The following MACO1 variants were observed in gnomAD, a reference collection of about 807,000 sequenced individuals.
The protein encoded by MACO1 is macoilin.
In MACO1, 14 loss-of-function variants were observed where a neutral mutation model predicts 78.7. That is an observed-to-expected ratio of 0.18 (90% CI 0.12 to 0.28). The LOEUF is 0.28. Among genes scored for constraint, MACO1 ranks in the 10% least tolerant of loss-of-function variants. MACO1 has a pLI of 1.00. For missense variants in MACO1, 501 were observed against 799.0 expected, an observed-to-expected ratio of 0.63 and a Z score of 4.50; for synonymous variants, 288 against 291.6, an observed-to-expected ratio of 0.99 and a Z score of 0.12.
rs2042855542 is a variant in MACO1 at position 25,430,913 on chromosome 1, C to G, written c.-186C>G. The G allele has an allele frequency of 3.9e-5, 18 of 467,064 alleles. No homozygotes were observed. In the South Asian group the frequency reaches 4.7e-4, roughly 12 times the overall value. The allele number at this position is 467,064 out of a possible 1,614,324, so 28.9% of individuals were successfully genotyped here. A position where few individuals can be genotyped will look rare whatever the true frequency, so the allele number is the denominator to read the frequency against. ...CCCGGAATTGTCATTTCTTTGTTTC[C>G]GAAGGCGGAGGAGGCTCCGAGCCCC... On this transcript the variant is annotated 5_prime_UTR_variant, in exon 1 of 11. Transcript: ENST00000374343.
At chr1:25,433,369 T>C (rs2042892159) in intron 1 of MACO1, among the ~76,000 whole-genome samples, 1 of 152,206 alleles carries the variant, frequency 6.6e-6, no homozygotes, top group Admixed American at 6.5e-5. Flanking sequence ...ACTAGAATGC[T>C]TGAGGATTCA....
At chr1:25,436,367 C>G (rs1299340254) in intron 1 of MACO1, among the ~76,000 whole-genome samples, 1 of 152,114 alleles carries the variant, frequency 6.6e-6, no homozygotes, top group Non-Finnish European at 1.5e-5. Context: ...GTTTGGAGGG[C>G]AAGTAGAAAT....
chr1:25,498,184 C>A, intron 10 of MACO1, 80 bp from the exon 11 acceptor site: 2 of 1,447,780 alleles, frequency 1.4e-6, no homozygotes, highest in Non-Finnish European at 1.9e-6. Flanking sequence ...TGAACCGAAT[C>A]TACTTAGGGA....
intron 6 of MACO1, among the ~76,000 whole-genome samples, chr1:25,468,587 T>C (rs973095106): frequency 1.3e-5 from 2 of 152,226 alleles, no homozygotes; most frequent in Non-Finnish European, 2.9e-5. Flanking sequence ...TATTGAATAC[T>C]CACTCTTTTA....
At chr1:25,497,583 T>C (rs1477525937) in intron 10 of MACO1, among the ~76,000 whole-genome samples, 2 of 152,084 alleles carry the variant, frequency 1.3e-5, no homozygotes, top group Non-Finnish European at 2.9e-5. Context: ...TGAGGGCAAG[T>C]GTGCTGGAAG....
chr1:25,440,139 A>G, intron 1 of MACO1, among the ~76,000 whole-genome samples: 1 of 151,270 alleles, frequency 6.6e-6, no homozygotes, highest in Non-Finnish European at 1.5e-5. Context: ...TGTAGTCCCA[A>G]CACTTTGGGA....
chr1:25,461,851 G>A (rs1305205909), intron 6 of MACO1, among the ~76,000 whole-genome samples: 1 of 151,984 alleles, frequency 6.6e-6, no homozygotes, highest in African/African-American at 2.4e-5. Flanking sequence ...GATAGTATTG[G>A]GCATTTATTT....
intron 3 of MACO1, among the ~76,000 whole-genome samples, chr1:25,453,684 A>G (rs1571960763): frequency 1.3e-5 from 2 of 150,766 alleles, no homozygotes; most frequent in African/African-American, 2.4e-5. Flanking sequence ...AAAAAAAAGA[A>G]GTGGAATTTC....
At position 25,465,708 on chromosome 1, in the gene MACO1, C is replaced by T. The variant is rs540129043; in HGVS notation, c.1154+6816C>T. Among the ~76,000 whole-genome samples, 151 of 152,282 alleles carry T rather than the reference C, an allele frequency of 9.9e-4. 1 individual carries two copies. The highest frequency in any genetic ancestry group is 8.1e-3 in the Admixed American group (124 of 15,286). On this transcript the variant is annotated intron_variant, in intron 6 of 10. Coordinates refer to ENST00000374343, the MANE Select transcript of MACO1 (RefSeq NM_018202.6). Reference sequence around the variant, plus strand: ...TGTGTATTGGTCAAGTCAGGGCTTTCACCCAAATAATATACATTTTACCTG... The same window carrying T: ...TGTGTATTGGTCAAGTCAGGGCTTTTACCCAAATAATATACATTTTACCTG...
chr1:25,458,354 G>C, intron 5 of MACO1, 37 bp from the exon 6 acceptor site: 1 of 1,534,892 alleles, frequency 6.5e-7, no homozygotes, highest in Non-Finnish European at 8.7e-7. Context: ...ATTCCGGTGG[G>C]GGCTTTTTGT....
intron 4 of MACO1, among the ~76,000 whole-genome samples, chr1:25,455,794 C>CT (rs2043114197): frequency 6.6e-6 from 1 of 152,144 alleles, no homozygotes; most frequent in African/African-American, 2.4e-5. Context: ...GTGAACCAAT[C>CT]TTCAAGGAAT....
At chr1:25,494,233 A>C (rs1164154804) in intron 10 of MACO1, among the ~76,000 whole-genome samples, 4 of 152,186 alleles carry the variant, frequency 2.6e-5, no homozygotes, top group African/African-American at 4.8e-5. Context: ...GCCCAGCAAA[A>C]AAGTAGAGGC....
intron 6 of MACO1, among the ~76,000 whole-genome samples, chr1:25,481,103 G>C (rs1305354678): frequency 6.6e-6 from 1 of 151,288 alleles, no homozygotes; most frequent in Non-Finnish European, 1.5e-5. Context: ...AATAAATATT[G>C]TTATTTTTAG....
chr1:25,479,084 T>G (rs1038611361), intron 6 of MACO1, among the ~76,000 whole-genome samples: 1 of 152,194 alleles, frequency 6.6e-6, no homozygotes, highest in African/African-American at 2.4e-5. Context: ...ATTCTCTCTA[T>G]CCCTGTCTGC....
At chr1:25,461,007 T>C (rs906594060) in intron 6 of MACO1, among the ~76,000 whole-genome samples, 7 of 152,116 alleles carry the variant, frequency 4.6e-5, no homozygotes, top group African/African-American at 1.7e-4. Context: ...GTGGCACATA[T>C]ACACCATGGA....
intron 10 of MACO1, among the ~76,000 whole-genome samples, chr1:25,493,777 G>A (rs1314345479): frequency 1.5e-5 from 2 of 131,254 alleles, no homozygotes; most frequent in African/African-American, 3.0e-5. Flanking sequence ...CTGTCACCCA[G>A]GCTGGAGTGC....
At chr1:25,445,670 A>G (rs1304350665) in intron 1 of MACO1, among the ~76,000 whole-genome samples, 1 of 151,466 alleles carries the variant, frequency 6.6e-6, no homozygotes, top group Non-Finnish European at 1.5e-5. Flanking sequence ...AATATATTTC[A>G]AAATTATTTA....
chr1:25,430,986 G>C lies in MACO1; in HGVS notation c.-113G>C. The C allele has an allele frequency of 1.5e-6, 1 of 648,094 alleles. No individual in the cohort carries two copies. Among genetic ancestry groups the C allele is most frequent in the South Asian group, 2.0e-5 (1 of 49,164 alleles). 40.1% of individuals were successfully genotyped at this position (648,094 alleles called of 1,614,324 possible). A position where few individuals can be genotyped will look rare whatever the true frequency, so the allele number is the denominator to read the frequency against. Reference sequence around the variant, plus strand: ...CCCCGGGTGCTGGCTCCATGTCTGTGTGACCGGCCTCAGGGGTAGAGTCCA... The same window carrying C: ...CCCCGGGTGCTGGCTCCATGTCTGTCTGACCGGCCTCAGGGGTAGAGTCCA... On this transcript the variant is annotated 5_prime_UTR_variant, in exon 1 of 11. Transcript: ENST00000374343.
At chr1:25,440,508 C>T (rs2042962012) in intron 1 of MACO1, among the ~76,000 whole-genome samples, 1 of 151,900 alleles carries the variant, frequency 6.6e-6, no homozygotes, top group Non-Finnish European at 1.5e-5. Context: ...GTGGCTCACG[C>T]CTGTAATCCC....
Sources: allele counts gnomAD v4.1 joint callset (sites outside exome capture counted in the v4.1 genomes callset), GRCh38; gene constraint gnomAD v4.1.1; transcripts MANE v1.5; gene names NCBI Gene and HGNC (gene_info 2026-07-23, HGNC 2026-07-21).